RALYL: variants seen among roughly 807,000 people sequenced by gnomAD.
RALYL encodes RALY RNA binding protein like.
In RALYL, 29 loss-of-function variants were observed where a neutral mutation model predicts 35.1. That is an observed-to-expected ratio of 0.83 (90% CI 0.61 to 1.13). The LOEUF (loss-of-function observed/expected upper bound fraction) is 1.13, where lower values mean the gene tolerates loss of function less well. RALYL is among the 50% of genes most tolerant of loss of function. The pLI is 0.00. For synonymous variants in RALYL, 120 were observed against 127.6 expected (o/e 0.94, Z 0.40); for missense variants, 359 against 360.4 (o/e 1.00, Z 0.03).
At chr8:84,247,367 T>C (rs556738694) in intron 1 of RALYL, among the ~76,000 whole-genome samples, 10 of 152,220 alleles carry the variant, frequency 6.6e-5, no homozygotes, top group African/African-American at 2.4e-4. Flanking sequence ...TATTTATGTA[T>C]TTCTTAAGAG....
chr8:84,834,408 A>AT (rs1831533293), intron 4 of RALYL, among the ~76,000 whole-genome samples: 1 of 152,242 alleles, frequency 6.6e-6, no homozygotes, highest in African/African-American at 2.4e-5. Context: ...ACTTGAGGTC[A>AT]GAGAAGTCTA....
At chr8:84,372,808 C>T (rs867760794) in intron 1 of RALYL, among the ~76,000 whole-genome samples, 1 of 147,686 alleles carries the variant, frequency 6.8e-6, no homozygotes, top group African/African-American at 2.5e-5. Context: ...CACTGCTTTT[C>T]ACAAGGATTG....
rs111869895 is a variant in RALYL, at chr8:84,432,396, C to T, written c.-23-96903C>T. ...TTGAGGGGAGGGGAGAAATAGGGAG[C>T]TGCTATTCAATACCTGTACAAATTA... On this transcript the variant is annotated intron_variant, in intron 1 of 8. Coordinates refer to ENST00000521268, the MANE Select transcript of RALYL (RefSeq NM_173848.7). 1.5e-3 allele frequency among the ~76,000 whole-genome samples: 228 copies of T among 152,034 alleles called. 2 individuals are homozygous for T. The highest frequency in any genetic ancestry group is 4.5e-3 in the African/African-American group (185 of 41,506).
intron 3 of RALYL, among the ~76,000 whole-genome samples, chr8:84,800,054 G>C (rs1197089067): frequency 3.3e-5 from 5 of 152,158 alleles, no homozygotes; most frequent in African/African-American, 1.2e-4. Flanking sequence ...GATATTTCGT[G>C]GGCAGCTATA....
chr8:84,907,420 T>C (rs952953204), intron 8 of RALYL, among the ~76,000 whole-genome samples: 5 of 152,104 alleles, frequency 3.3e-5, no homozygotes, highest in Non-Finnish European at 7.4e-5. Flanking sequence ...CAATACTGTT[T>C]CCATTTTCAC....
chr8:84,884,540 T>C (rs1842669198), intron 7 of RALYL, among the ~76,000 whole-genome samples: 5 of 151,758 alleles, frequency 3.3e-5, no homozygotes, highest in Non-Finnish European at 1.5e-5. Context: ...TATATGTATA[T>C]ATATTACACA....
At chr8:84,854,349 AAAGAAAAAGAAAAAGG>A (rs998590604) in intron 5 of RALYL, among the ~76,000 whole-genome samples, 1 of 136,942 alleles carries the variant, frequency 7.3e-6, no homozygotes, top group African/African-American at 2.6e-5. Context: ...CGTCTAAAAA[AAAGAAAAAGAAAAAGG>A]AAGAAAAAGA....
intron 2 of RALYL, among the ~76,000 whole-genome samples, chr8:84,697,878 T>A (rs768270528): frequency 6.6e-6 from 1 of 152,108 alleles, no homozygotes; most frequent in Non-Finnish European, 1.5e-5. Flanking sequence ...AGTATCAGAA[T>A]GCATTCTCTA....
At chr8:84,495,089 G>A (rs1263938587) in intron 1 of RALYL, among the ~76,000 whole-genome samples, 1 of 152,110 alleles carries the variant, frequency 6.6e-6, no homozygotes, top group Non-Finnish European at 1.5e-5. Context: ...CTAGTTTCTT[G>A]AGAGTTTTTA....
At chr8:84,405,822 TC>T (rs992093326) in intron 1 of RALYL, among the ~76,000 whole-genome samples, 8 of 146,920 alleles carry the variant, frequency 5.4e-5, no homozygotes, top group Non-Finnish European at 1.0e-4. Flanking sequence ...ATATTTTCAT[TC>T]TTTTTTTTTT....
At chr8:84,758,058 A>G (rs1329524045) in intron 2 of RALYL, among the ~76,000 whole-genome samples, 1 of 152,170 alleles carries the variant, frequency 6.6e-6, no homozygotes, top group East Asian at 1.9e-4. Context: ...GTAAAAATTG[A>G]TGAATGTATT....
intron 1 of RALYL, among the ~76,000 whole-genome samples, chr8:84,403,724 G>A (rs1000976075): frequency 5.9e-5 from 9 of 151,814 alleles, no homozygotes; most frequent in African/African-American, 9.7e-5. Flanking sequence ...TGTGAAGAAA[G>A]TCAGTGATAG....
chr8:84,332,074 C>G (rs1434033413), intron 1 of RALYL, among the ~76,000 whole-genome samples: 1 of 152,060 alleles, frequency 6.6e-6, no homozygotes. Flanking sequence ...TTTTCTCTGC[C>G]TTTCACATCT....
chr8:84,619,116 G>A (rs1007701895), intron 2 of RALYL, among the ~76,000 whole-genome samples: 2 of 151,442 alleles, frequency 1.3e-5, no homozygotes, highest in African/African-American at 4.9e-5. Flanking sequence ...AGGTCCACTT[G>A]GTGCAGAGCT....
chr8:84,701,434 C>G (rs1412993574), intron 2 of RALYL, among the ~76,000 whole-genome samples: 2 of 152,082 alleles, frequency 1.3e-5, no homozygotes, highest in South Asian at 2.1e-4. Flanking sequence ...TGAAACGGAA[C>G]CATCATAAAA....
At chr8:84,247,740 C>T (rs921733977) in intron 1 of RALYL, among the ~76,000 whole-genome samples, 1 of 152,240 alleles carries the variant, frequency 6.6e-6, no homozygotes, top group Non-Finnish European at 1.5e-5. Context: ...AATACAGACA[C>T]GTCTAATCGA....
rs1015510042 is a variant in RALYL at position 84,765,173 on chromosome 8, C to G, written c.257-9406C>G. Among the ~76,000 whole-genome samples, 4 of 152,114 alleles carry G rather than the reference C, an allele frequency of 2.6e-5. No homozygotes were observed. The East Asian group carries it at 5.8e-4, about 22-fold the overall frequency. ...GATCTCTCTACAGCACTCCTTTAAT[C>G]ATGCATCCTCCCCTGTGATGCCAGA... On this transcript the variant is annotated intron_variant, in intron 2 of 8. Transcript: ENST00000521268.
intron 2 of RALYL, among the ~76,000 whole-genome samples, chr8:84,636,382 G>A (rs138594703): frequency 9.5e-4 from 145 of 151,896 alleles, no homozygotes; most frequent in African/African-American, 3.2e-3. Context: ...TAGTATCATA[G>A]AATAGAGTAA....
chr8:84,339,257 G>A (rs980017226), intron 1 of RALYL, among the ~76,000 whole-genome samples: 1 of 151,998 alleles, frequency 6.6e-6, no homozygotes, highest in African/African-American at 2.4e-5. Context: ...GTACCAGTTT[G>A]TGGCCTGTTG....
Sources: gnomAD v4.1 joint callset for allele counts (sites outside exome capture counted in the v4.1 genomes callset) on GRCh38, gnomAD v4.1.1 for gene constraint, MANE v1.5 for transcripts, NCBI Gene and HGNC (gene_info 2026-07-23, HGNC 2026-07-21) for gene names.